The following SPAG17 variants were observed in gnomAD, a reference collection of about 807,000 sequenced individuals.
SPAG17 encodes the protein sperm-associated antigen 17.
A neutral mutation model predicts 273.6 loss-of-function variants in SPAG17; 169 were observed. The ratio of observed to expected loss-of-function variants is 0.62; its 90% CI spans 0.55 to 0.70. SPAG17 has a LOEUF of 0.70. Among genes scored for constraint, SPAG17 ranks in the 30% least tolerant of loss-of-function variants. The pLI is 0.00. For synonymous variants in SPAG17, 825 were observed against 873.2 expected (o/e 0.94, Z 0.97); for missense variants, 2,557 against 2,627.8 (o/e 0.97, Z 0.59).
At chr1:118,080,773 G>A (rs540148420) in intron 15 of SPAG17, among the ~76,000 whole-genome samples, 1 of 152,240 alleles carries the variant, frequency 6.6e-6, no homozygotes, top group South Asian at 2.1e-4. Flanking sequence ...GCTCTGTACT[G>A]GACATTTCAT....
At chr1:117,968,216 CA>C (rs1159018258) in intron 46 of SPAG17, among the ~76,000 whole-genome samples, 1 of 152,036 alleles carries the variant, frequency 6.6e-6, no homozygotes, top group African/African-American at 2.4e-5. Flanking sequence ...TTGCCAGAGC[CA>C]AAACCTACTA....
intron 30 of SPAG17, among the ~76,000 whole-genome samples, chr1:118,011,765 C>T (rs997712270): frequency 6.6e-6 from 1 of 151,950 alleles, no homozygotes; most frequent in African/African-American, 2.4e-5. Context: ...CACAGACACA[C>T]ACACACACAC....
At chr1:118,052,451 G>T (rs1206549455) in intron 20 of SPAG17, among the ~76,000 whole-genome samples, 1 of 151,606 alleles carries the variant, frequency 6.6e-6, no homozygotes, top group Admixed American at 6.6e-5. Flanking sequence ...AATTAGACAG[G>T]AGGAAAAAAT....
chr1:118,017,377 T>G (rs1016894829), intron 28 of SPAG17, among the ~76,000 whole-genome samples: 1 of 151,882 alleles, frequency 6.6e-6, no homozygotes, highest in Admixed American at 6.6e-5. Context: ...AGAAATACAA[T>G]GGGGTAAAGA....
chr1:118,054,429 C>T (rs1054040502), intron 19 of SPAG17, among the ~76,000 whole-genome samples: 1 of 152,112 alleles, frequency 6.6e-6, no homozygotes, highest in Non-Finnish European at 1.5e-5. Context: ...ACAAATCTAA[C>T]ATTTCCATCC....
Position 118,086,954 on chromosome 1 carries a change from T to G in SPAG17, c.1414A>C (p.Arg472=). ...VPPSLREPSP[R]ADGLDHRIAA... ...ATTCTGTGGTCTAGCCCGTCTGCTC[T>G]GGGGGATGGCTCCCGCAGACTGGGT... Residue 472 remains arginine (R), a synonymous_variant, in exon 11 of 49, where the codon AGA becomes CGA. Transcript: ENST00000336338. The G allele has an allele frequency of 6.3e-7, 1 of 1,594,876 alleles. No homozygotes were observed. Among genetic ancestry groups the G allele is most frequent in the Admixed American group, 1.9e-5 (1 of 53,928 alleles).
At position 118,115,412 on chromosome 1, in the gene SPAG17, A is replaced by G. The variant is rs1401998212; in HGVS notation, c.345T>C (p.Asp115=). 12 of 1,613,440 alleles carry G rather than the reference A, an allele frequency of 7.4e-6. No individual in the cohort carries two copies. The highest frequency in any genetic ancestry group is 1.3e-5 in the African/African-American group (1 of 74,896). The change falls in exon 4 of 49, where the codon GAT becomes GAC. Residue 115 remains aspartate (D), a synonymous_variant. Transcript: ENST00000336338. ...EVLTAAKAIM[D]SGEKLTLPLI... is the part of the protein sequence containing the mutation. ...GTGGTAAGGTTAATTTCTCTCCACT[A>G]TCCATAATTGCTTTTGCTGCCGTTA...
chr1:118,102,797 G>A (rs911345015), intron 4 of SPAG17, among the ~76,000 whole-genome samples: 2 of 152,246 alleles, frequency 1.3e-5, no homozygotes, highest in African/African-American at 4.8e-5. Flanking sequence ...TGGCAGTACT[G>A]AGAAGATATG....
intron 20 of SPAG17, among the ~76,000 whole-genome samples, chr1:118,048,679 C>CCT (rs1197417667): frequency 6.6e-6 from 1 of 152,066 alleles, no homozygotes; most frequent in South Asian, 2.1e-4. Flanking sequence ...GGGCAGATCA[C>CCT]AAGGTCAGGA....
chr1:118,048,644 T>A (rs553351534), intron 20 of SPAG17, among the ~76,000 whole-genome samples: 6 of 152,236 alleles, frequency 3.9e-5, no homozygotes, highest in East Asian at 1.9e-4. Flanking sequence ...ACGCCTATAA[T>A]CCCAGCACTT....
chr1:118,063,150 C>T (rs901820349), intron 18 of SPAG17, among the ~76,000 whole-genome samples: 14 of 152,104 alleles, frequency 9.2e-5, no homozygotes, highest in African/African-American at 3.4e-4. Context: ...GTGAAAATGG[C>T]CATACTGCCC....
chr1:118,128,388 A>C (rs1657863174), intron 3 of SPAG17, among the ~76,000 whole-genome samples: 1 of 152,044 alleles, frequency 6.6e-6, no homozygotes. Flanking sequence ...GATACCCTTT[A>C]TTTCTTTCTT....
chr1:118,113,490 G>C (rs936289377), intron 4 of SPAG17, among the ~76,000 whole-genome samples: 1 of 152,050 alleles, frequency 6.6e-6, no homozygotes, highest in Non-Finnish European at 1.5e-5. Context: ...CCTTTACCAA[G>C]AGTATTTTCC....
chr1:118,025,993 A>G (rs1227282902), intron 26 of SPAG17, among the ~76,000 whole-genome samples: 1 of 152,174 alleles, frequency 6.6e-6, no homozygotes, highest in East Asian at 1.9e-4. Flanking sequence ...CAAAATTATG[A>G]AGGAAGCCGA....
At chr1:118,056,472 A>G (rs1347653770) in intron 18 of SPAG17, among the ~76,000 whole-genome samples, 1 of 152,190 alleles carries the variant, frequency 6.6e-6, no homozygotes, top group East Asian at 1.9e-4. Context: ...TTTCATTGGC[A>G]ATTTGTTGCT....
rs144691600 is a variant in SPAG17, at chr1:117,973,001, A to C, written c.6141+424T>G. Among the ~76,000 whole-genome samples the C allele has an allele frequency of 1.4e-4, 22 of 152,360 alleles. No individual in the cohort carries two copies. In the East Asian group the frequency reaches 2.3e-3, roughly 16 times the overall value. ...TAAGTCATTTGGATTTTATCCTAAGAGTCATGGCAACGGTGGCCAATGATT... is the reference window on the plus strand; with the variant it reads ...TAAGTCATTTGGATTTTATCCTAAGCGTCATGGCAACGGTGGCCAATGATT... On this transcript the variant is annotated intron_variant, in intron 44 of 48. Coordinates refer to ENST00000336338, the MANE Select transcript of SPAG17 (RefSeq NM_206996.4).
At chr1:118,005,684 G>T in intron 31 of SPAG17, 82 bp from the exon 32 acceptor site, 1 of 988,856 alleles carries the variant, frequency 1.0e-6, no homozygotes, top group Non-Finnish European at 1.4e-6. Context: ...TTAGGAGAAA[G>T]AATACCCATA....
At chr1:118,012,964 C>T (rs1191027345) in intron 29 of SPAG17, among the ~76,000 whole-genome samples, 2 of 152,112 alleles carry the variant, frequency 1.3e-5, no homozygotes, top group Non-Finnish European at 2.9e-5. Context: ...AAGCGGTGTG[C>T]GTGGGTTGCT....
intron 1 of SPAG17, among the ~76,000 whole-genome samples, chr1:118,152,330 TCTC>T (rs756475147): frequency 2.0e-5 from 3 of 152,076 alleles, no homozygotes; most frequent in Non-Finnish European, 4.4e-5. Flanking sequence ...AGTAAAATGG[TCTC>T]CTGGTGAATA....
Sources: gnomAD v4.1 joint callset for allele counts (sites outside exome capture counted in the v4.1 genomes callset) on GRCh38, gnomAD v4.1.1 for gene constraint, MANE v1.5 for transcripts, NCBI Gene and HGNC (gene_info 2026-07-23, HGNC 2026-07-21) for gene names.